Variants in ZFP28 observed in about 807,000 individuals in gnomAD.
The protein encoded by ZFP28 is zinc finger protein 28 homolog.
ZFP28 carries 31 observed loss-of-function variants against 39.5 expected under a neutral mutation model. The observed-to-expected ratio is 0.79, with a 90% CI of 0.59 to 1.06. The LOEUF (loss-of-function observed/expected upper bound fraction) is 1.06. Ranked by LOEUF, ZFP28 falls within the 50% of genes least tolerant of loss-of-function variation. The pLI is 0.00. For missense variants in ZFP28, 925 were observed against 1,048.4 expected (o/e 0.88, Z 1.63); for synonymous variants, 400 against 378.6 (o/e 1.06, Z -0.66).
chr19:56,538,812 CGGGG>C (rs2044161345), upstream of ZFP28: 3 of 16,736 alleles, frequency 1.8e-4, no homozygotes, highest in African/African-American at 5.5e-4. Context: ...CGGGGCGGGG[CGGGG>C]CGGGGCGGGG....
chr19:56,551,794 G>A (rs1399769779), intron 7 of ZFP28: 1 of 983,830 alleles, frequency 1.0e-6, no homozygotes, highest in South Asian at 4.7e-5. Flanking sequence ...TTATCTTCTT[G>A]TAAAATGTCT....
At position 56,548,995 on chromosome 19, in the gene ZFP28, CAAG is replaced by C. The variant is rs745873896; in HGVS notation, c.565_567del (p.Lys189del). The C allele has an allele frequency of 2.5e-6, 4 of 1,614,006 alleles. No individual in the cohort carries two copies. Among genetic ancestry groups the C allele is most frequent in the Non-Finnish European group, 2.5e-6 (3 of 1,179,974 alleles). On this transcript the variant is annotated inframe_deletion, in exon 5 of 8. Coordinates refer to ENST00000301318, the MANE Select transcript of ZFP28 (RefSeq NM_020828.2). ...TGTGGAAGATCAAGGAGTTACCTCT[CAAG>C]AAGGACTTCTGCGAAGGAAAGCTAT...
chr19:56,547,265 T>C lies in ZFP28; in HGVS notation c.301-243T>C. 3.9e-6 allele frequency: 2 copies of C among 509,686 alleles called. No homozygotes were observed. The highest frequency in any genetic ancestry group is 6.9e-6 in the Non-Finnish European group (2 of 290,488). 31.6% of individuals were successfully genotyped at this position (509,686 alleles called of 1,614,324 possible). ...TTCCCTGTGCCTGCACACCGTGGTA[T>C]CTCTTCCTGTTTTAATAAGGACACC... On this transcript the variant is annotated intron_variant, in intron 2 of 7. Transcript: ENST00000301318. The surrounding 1 kb of genome is among the most constrained non-coding windows in gnomAD (Gnocchi z 4.6).
intron 2 of ZFP28, chr19:56,545,733 T>C (rs536048184): frequency 3.9e-5 from 6 of 152,250 alleles, no homozygotes; most frequent in East Asian, 1.9e-4. Context: ...GGAGCCTTTA[T>C]TGGGGTTCAG....
At position 56,554,799 on chromosome 19, in the gene ZFP28, C is replaced by T; in HGVS notation, c.2014C>T (p.Pro672Ser). 1.2e-6 allele frequency: 2 copies of T among 1,614,110 alleles called. No homozygotes were observed. The highest frequency in any genetic ancestry group is 1.7e-6 in the Non-Finnish European group (2 of 1,180,026). Residue 672 changes from proline to serine, a missense_variant, in exon 8 of 8, where the codon CCA becomes TCA. Pro to Ser is a moderately conservative substitution (Grantham distance 74, BLOSUM62 -1). Around this residue, in one of 2 missense-constraint regions of ZFP28, gnomAD observed 369 missense variants for 505.5 expected, o/e 0.73. Transcript: ENST00000301318. This position sits in a 1 kb window ranked among gnomAD's most constrained non-coding sequence, Gnocchi z 6.7. ...TCAGAAAACCCATACAGGAGAGAAA[C>T]CATATGAGTGCAAGGAATGCGGTAA... Reference protein sequence around the residue: ...QHQKTHTGEKPYECKECGKAF... With the variant: ...QHQKTHTGEKSYECKECGKAF...
At chr19:56,541,820 C>G (rs1177482519) in intron 2 of ZFP28, among the ~76,000 whole-genome samples, 1 of 151,218 alleles carries the variant, frequency 6.6e-6, no homozygotes, top group Non-Finnish European at 1.5e-5. Context: ...ACCTCCGCCT[C>G]CTGAGTTGAA....
At position 56,539,635 on chromosome 19, in the gene ZFP28, C is replaced by G. The variant is rs776618243; in HGVS notation, c.219C>G (p.Ser73=). 6 of 1,613,978 alleles carry G rather than the reference C, an allele frequency of 3.7e-6. No homozygotes were observed. Among genetic ancestry groups the G allele is most frequent in the African/African-American group, 1.3e-5 (1 of 74,980 alleles). Residue 73 remains serine (S), a synonymous_variant, in exon 2 of 8, where the codon TCC becomes TCG. Coordinates refer to ENST00000301318, the MANE Select transcript of ZFP28 (RefSeq NM_020828.2). Reference sequence around the variant, plus strand: ...TCCTTTCTCTTTCAGCTCTGCCTTCCAGGGACACTGCTCTTCCCCAGGAGA... The same window carrying G: ...TCCTTTCTCTTTCAGCTCTGCCTTCGAGGGACACTGCTCTTCCCCAGGAGA... ...PTGPGHRALP[S]RDTALPQERN...
rs1273822848 is a variant in ZFP28 at position 56,538,986 on chromosome 19, C to T, written c.-33C>T. The T allele has an allele frequency of 2.2e-6, 3 of 1,367,580 alleles. No homozygotes were observed. Among genetic ancestry groups the T allele is most frequent in the East Asian group, 5.9e-5 (2 of 34,082 alleles). The allele number at this position is 1,367,580 out of a possible 1,614,324, so 84.7% of individuals were successfully genotyped here. A position where few individuals can be genotyped will look rare whatever the true frequency, so the allele number is the denominator to read the frequency against. ...CCAGGGGTGTGGGTCTGTGAGGGAC[C>T]GGTCGGAAGGGCGTCGCGCGGCCTC... On this transcript the variant is annotated 5_prime_UTR_variant, in exon 1 of 8. Transcript: ENST00000301318.
rs2044343414 is a variant in ZFP28, at chr19:56,555,485, C to T, written c.*93C>T. ...TCTTTTTGTCCCTTATTAGTTAGTT[C>T]TTCACATAAGTGTAAATGTAACTTA... On this transcript the variant is annotated 3_prime_UTR_variant, in exon 8 of 8. Coordinates refer to ENST00000301318, the MANE Select transcript of ZFP28 (RefSeq NM_020828.2). 1 of 1,246,096 alleles carries T rather than the reference C, an allele frequency of 8.0e-7. No individual in the cohort carries two copies. The highest frequency in any genetic ancestry group is 2.4e-5 in the Admixed American group (1 of 42,070). The allele number at this position is 1,246,096 out of a possible 1,614,324, so 77.2% of individuals were successfully genotyped here.
At chr19:56,549,281 T>C (rs2044272148) in intron 5 of ZFP28, among the ~76,000 whole-genome samples, 160 bp downstream of exon 5, 1 of 152,192 alleles carries the variant, frequency 6.6e-6, no homozygotes, top group East Asian at 1.9e-4. Flanking sequence ...GAGTGCCTAA[T>C]CTCCATACAC....
chr19:56,550,713 T>A, intron 7 of ZFP28, 108 bp downstream of exon 7: 1 of 1,573,350 alleles, frequency 6.4e-7, no homozygotes. Flanking sequence ...TTACCCAGGG[T>A]CTCTGGGTCT....
intron 2 of ZFP28, among the ~76,000 whole-genome samples, chr19:56,544,996 G>T (rs1461986024): frequency 6.6e-6 from 1 of 152,126 alleles, no homozygotes; most frequent in Non-Finnish European, 1.5e-5. Flanking sequence ...GGGAAACTAG[G>T]GTTGATTCTT....
chr19:56,554,337 A>G lies in ZFP28; in HGVS notation c.1552A>G (p.Ile518Val). The G allele has an allele frequency of 6.2e-7, 1 of 1,614,146 alleles. No individual in the cohort carries two copies. ...TTGTGGGAAAGCCTTCAGTGACCAC[A>G]TAGGGCTTAATCAACACAGGAGAAT... is the stretch of plus-strand genomic sequence containing the variant. The part of the protein sequence containing the change: ...IDCGKAFSDH[I>V]GLNQHRRIHT... Residue 518 changes from isoleucine (I) to valine (V), a missense_variant, in exon 8 of 8, where the codon ATA (isoleucine) becomes GTA (valine). By Grantham distance (29) the Ile-to-Val change is conservative. Around this residue, in one of 2 missense-constraint regions of ZFP28, gnomAD observed 369 missense variants for 505.5 expected, o/e 0.73. Coordinates refer to ENST00000301318, the MANE Select transcript of ZFP28 (RefSeq NM_020828.2). The surrounding 1 kb of genome is among the most constrained non-coding windows in gnomAD (Gnocchi z 6.7).
Position 56,539,153 on chromosome 19 carries a change from A to T in ZFP28, c.135A>T (p.Gly45=). The change falls in exon 1 of 8, where the codon GGA becomes GGT. Residue 45 remains glycine (G), a synonymous_variant. Transcript: ENST00000301318. ...TPATLALPAR[G]RPRSRNGLAS... ...CCACCTTGGCCCTCCCTGCCCGGGG[A>T]AGGCCGCGCTCAAGGAATGGCCTCG... 6.3e-7 allele frequency: 1 copy of T among 1,598,296 alleles called. No homozygotes were observed. The highest frequency in any genetic ancestry group is 8.5e-7 in the Non-Finnish European group (1 of 1,176,136).
chr19:56,554,871 A>C lies in ZFP28; in HGVS notation c.2086A>C (p.Thr696Pro), dbSNP rs772008382. 6.2e-7 allele frequency: 1 copy of C among 1,614,200 alleles called. No individual in the cohort carries two copies. The highest frequency in any genetic ancestry group is 8.5e-7 in the Non-Finnish European group (1 of 1,180,032). Residue 696 changes from threonine (T) to proline (P), a missense_variant, in exon 8 of 8, where the codon ACT becomes CCT. By Grantham distance (38) the Thr-to-Pro change is conservative. Transcript: ENST00000301318. The surrounding 1 kb of genome is among the most constrained non-coding windows in gnomAD (Gnocchi z 6.7). ...THLIQHQRVH[T>P]GEKPYKCMEC... ...CCTCATTCAACATCAGAGAGTTCAC[A>C]CTGGTGAGAAACCCTATAAATGTAT...
At chr19:56,549,920 T>A in intron 5 of ZFP28, 147 bp from the exon 6 acceptor site, 2 of 610,548 alleles carry the variant, frequency 3.3e-6, no homozygotes, top group East Asian at 5.6e-5. Flanking sequence ...CTAAGCCCTG[T>A]CATTATTTGA....
intron 2 of ZFP28, among the ~76,000 whole-genome samples, chr19:56,544,349 A>T (rs540019685): frequency 6.6e-6 from 1 of 152,394 alleles, no homozygotes; most frequent in Admixed American, 6.5e-5. Context: ...AAGAAGAAGA[A>T]TACATGAAAA....
chr19:56,551,707 G>T (rs905661099), intron 7 of ZFP28: 1 of 984,532 alleles, frequency 1.0e-6, no homozygotes, highest in Non-Finnish European at 1.2e-6. Flanking sequence ...CTCATTATTT[G>T]TTGAAAGATT....
At chr19:56,551,491 C>G (rs2044302539) in intron 7 of ZFP28, 2 of 984,698 alleles carry the variant, frequency 2.0e-6, no homozygotes, top group African/African-American at 3.5e-5. Flanking sequence ...ACTTAGGTTG[C>G]TTTACATTTC....
Sources: allele counts gnomAD v4.1 joint callset (sites outside exome capture counted in the v4.1 genomes callset), GRCh38; gene constraint gnomAD v4.1.1; regional missense constraint gnomAD v4.1.1; non-coding constraint Gnocchi (gnomAD v3.1); transcripts MANE v1.5; gene names NCBI Gene and HGNC (gene_info 2026-07-23, HGNC 2026-07-21).